RSPO3: variants seen among roughly 807,000 people sequenced by gnomAD.
RSPO3 encodes R-spondin-3.
Under a neutral mutation model 36.5 loss-of-function variants are expected in RSPO3, and 17 were observed. That is an observed-to-expected ratio of 0.47 (90% CI 0.32 to 0.70). The LOEUF (loss-of-function observed/expected upper bound fraction) is 0.70, where lower values mean the gene tolerates loss of function less well. Ranked by LOEUF, RSPO3 falls within the 30% of genes least tolerant of loss-of-function variation. RSPO3 has a pLI of 0.04. For synonymous variants in RSPO3, 108 were observed against 107.0 expected (o/e 1.01, Z -0.06); for missense variants, 294 against 322.5 (o/e 0.91, Z 0.68).
intron 4 of RSPO3, among the ~76,000 whole-genome samples, chr6:127,164,735 C>G (rs1035989022): frequency 6.6e-6 from 1 of 151,984 alleles, no homozygotes; most frequent in Non-Finnish European, 1.5e-5. Flanking sequence ...GCCACTGAAA[C>G]GTTAAAATTA....
intron 3 of RSPO3, among the ~76,000 whole-genome samples, chr6:127,152,516 C>G (rs1415806215): frequency 6.6e-6 from 1 of 152,114 alleles, no homozygotes; most frequent in Non-Finnish European, 1.5e-5. Context: ...CCCAAAGAAA[C>G]ATTTTAAGTT....
At chr6:127,192,169 C>T (rs968523672) in intron 4 of RSPO3, among the ~76,000 whole-genome samples, 4 of 152,168 alleles carry the variant, frequency 2.6e-5, no homozygotes, top group Admixed American at 2.0e-4. Context: ...CCAACAGGAC[C>T]TTGTACACAC....
intron 1 of RSPO3, among the ~76,000 whole-genome samples, chr6:127,148,176 A>G (rs1582794864): frequency 1.3e-5 from 2 of 152,092 alleles, no homozygotes; most frequent in East Asian, 3.8e-4. Context: ...TTACTGAAGA[A>G]ATTAGAAACA....
intron 1 of RSPO3, among the ~76,000 whole-genome samples, chr6:127,144,470 G>A (rs564251909): frequency 6.6e-6 from 1 of 151,972 alleles, no homozygotes; most frequent in South Asian, 2.1e-4. Flanking sequence ...TGTATCATAA[G>A]GCAATTACCA....
At chr6:127,126,098 C>T (rs1229056432) in intron 1 of RSPO3, among the ~76,000 whole-genome samples, 1 of 151,970 alleles carries the variant, frequency 6.6e-6, no homozygotes, top group African/African-American at 2.4e-5. Context: ...TATAAGGACT[C>T]AGGTCTGGGT....
intron 1 of RSPO3, among the ~76,000 whole-genome samples, chr6:127,122,124 A>G (rs1325762969): frequency 1.3e-5 from 2 of 152,232 alleles, no homozygotes; most frequent in Non-Finnish European, 2.9e-5. Context: ...AAATAAAGCC[A>G]TATCAGTATT....
At chr6:127,160,674 G>T (rs1180566256) in intron 4 of RSPO3, among the ~76,000 whole-genome samples, 1 of 152,186 alleles carries the variant, frequency 6.6e-6, no homozygotes, top group African/African-American at 2.4e-5. Flanking sequence ...TATGGAAAGG[G>T]GTGGTAACTT....
rs1775549301 is a variant in RSPO3, at chr6:127,197,965, T to C, written c.*1958T>C. ...CCCAGGTTTGAGACCTTTCGGATGA[T>C]TTCATATACCATCTTTCTTCTGAGT... On this transcript the variant is annotated 3_prime_UTR_variant, in exon 5 of 5. Transcript: ENST00000356698. Among the ~76,000 whole-genome samples, 1 of 152,252 alleles carries C rather than the reference T, an allele frequency of 6.6e-6. No individual in the cohort carries two copies. The highest frequency in any genetic ancestry group is 6.5e-5 in the Admixed American group (1 of 15,284).
chr6:127,187,316 G>A (rs1775316246), intron 4 of RSPO3, among the ~76,000 whole-genome samples: 1 of 152,082 alleles, frequency 6.6e-6, no homozygotes, highest in Admixed American at 6.6e-5. Flanking sequence ...AATTTCTGAA[G>A]ATAGGTAATA....
chr6:127,143,274 A>G (rs150813831), intron 1 of RSPO3, among the ~76,000 whole-genome samples: 105 of 152,262 alleles, frequency 6.9e-4, no homozygotes, highest in African/African-American at 2.5e-3. Context: ...TTATCAAACC[A>G]TGAGACCTCT....
chr6:127,175,731 T>C (rs1562251765), intron 4 of RSPO3, among the ~76,000 whole-genome samples: 2 of 151,750 alleles, frequency 1.3e-5, no homozygotes, highest in Admixed American at 1.3e-4. Flanking sequence ...ATTTTGTTGT[T>C]ACTCAGCCTC....
chr6:127,167,612 A>AT (rs918191353), intron 4 of RSPO3, among the ~76,000 whole-genome samples: 109 of 151,438 alleles, frequency 7.2e-4, no homozygotes, highest in African/African-American at 2.3e-3. Context: ...TAATAGAATG[A>AT]TTTTTTTTAT....
At chr6:127,178,573 A>G (rs1450125795) in intron 4 of RSPO3, among the ~76,000 whole-genome samples, 1 of 151,800 alleles carries the variant, frequency 6.6e-6, no homozygotes, top group Non-Finnish European at 1.5e-5. Flanking sequence ...GCTTTGTATT[A>G]CATTATACAC....
chr6:127,139,116 C>A (rs1774218763), intron 1 of RSPO3, among the ~76,000 whole-genome samples: 1 of 152,204 alleles, frequency 6.6e-6, no homozygotes, highest in South Asian at 2.1e-4. Context: ...ATCATACTTA[C>A]AAAGGTGCAT....
At chr6:127,128,593 G>A (rs909662093) in intron 1 of RSPO3, among the ~76,000 whole-genome samples, 11 of 152,054 alleles carry the variant, frequency 7.2e-5, no homozygotes, top group African/African-American at 2.2e-4. Flanking sequence ...CAAAATAGAC[G>A]TATGTGGAGT....
intron 4 of RSPO3, among the ~76,000 whole-genome samples, chr6:127,188,275 T>C (rs917338451): frequency 2.6e-5 from 4 of 152,190 alleles, no homozygotes; most frequent in Admixed American, 6.6e-5. Context: ...GTAAGGAAGG[T>C]ATTTAATTAG....
chr6:127,155,567 A>G, intron 4 of RSPO3, 129 bp downstream of exon 4: 3 of 882,844 alleles, frequency 3.4e-6, no homozygotes, highest in Non-Finnish European at 5.3e-6. Flanking sequence ...CCAAGCAAGA[A>G]TATGCTGCTT....
At chr6:127,154,726 G>A (rs916947374) in intron 3 of RSPO3, among the ~76,000 whole-genome samples, 1 of 152,108 alleles carries the variant, frequency 6.6e-6, no homozygotes, top group Admixed American at 6.6e-5. Context: ...TACCTGTATT[G>A]TTAGGCAAAT....
intron 1 of RSPO3, among the ~76,000 whole-genome samples, chr6:127,145,838 AT>A: frequency 6.6e-6 from 1 of 152,304 alleles, no homozygotes; most frequent in Middle Eastern, 3.4e-3. Context: ...AGAAAGTAAA[AT>A]TCTATTTTCT....
Sources: allele counts gnomAD v4.1 joint callset (sites outside exome capture counted in the v4.1 genomes callset), GRCh38; gene constraint gnomAD v4.1.1; transcripts MANE v1.5; gene names NCBI Gene and HGNC (gene_info 2026-07-23, HGNC 2026-07-21).